NFATC2: variants seen among roughly 807,000 people sequenced by gnomAD.
NFATC2 encodes the protein nuclear factor of activated T cells 2, also known as nuclear factor of activated T-cells, cytoplasmic 2.
A neutral mutation model predicts 87.3 loss-of-function variants in NFATC2; 22 were observed. The ratio of observed to expected loss-of-function variants is 0.25; its 90% CI spans 0.18 to 0.36. NFATC2 has a LOEUF of 0.36. Among genes scored for constraint, NFATC2 ranks in the 10% least tolerant of loss-of-function variants. The pLI is 1.00. For missense variants in NFATC2, 1,149 were observed against 1,259.1 expected, an observed-to-expected ratio of 0.91 and a Z score of 1.32; for synonymous variants, 565 against 542.2, an observed-to-expected ratio of 1.04 and a Z score of -0.58.
At chr20:51,416,236 TGAGA>T (rs949745540) in intron 9 of NFATC2, among the ~76,000 whole-genome samples, 10 of 150,978 alleles carry the variant, frequency 6.6e-5, no homozygotes, top group Admixed American at 5.9e-4. Context: ...CACTCCAGTC[TGAGA>T]GAGAGAGAGT....
intron 1 of NFATC2, among the ~76,000 whole-genome samples, chr20:51,552,754 C>T (rs2076944837): frequency 6.6e-6 from 1 of 152,110 alleles, no homozygotes; most frequent in African/African-American, 2.4e-5. Flanking sequence ...ATCCTGCAGG[C>T]ATATTATGTT....
chr20:51,479,399 C>T (rs1020147940), intron 3 of NFATC2, among the ~76,000 whole-genome samples: 1 of 152,036 alleles, frequency 6.6e-6, no homozygotes, highest in Non-Finnish European at 1.5e-5. Flanking sequence ...GGGTAGATCT[C>T]TCGAGCCCAG....
At chr20:51,521,374 G>A (rs1347800660) in intron 2 of NFATC2, among the ~76,000 whole-genome samples, 1 of 152,046 alleles carries the variant, frequency 6.6e-6, no homozygotes, top group Non-Finnish European at 1.5e-5. Context: ...AGGCTAGAGT[G>A]CAGTGGCATG....
At chr20:51,391,476 G>GC (rs776726177) in intron 10 of NFATC2, 25 bp from the exon 11 acceptor site, 27 of 1,585,372 alleles carry the variant, frequency 1.7e-5, no homozygotes, top group South Asian at 7.7e-5. Flanking sequence ...AGGAGGGGGG[G>GC]GGAGAGAGAA....
intron 6 of NFATC2, among the ~76,000 whole-genome samples, chr20:51,447,430 C>T (rs1568989948): frequency 6.6e-6 from 1 of 152,226 alleles, no homozygotes; most frequent in Non-Finnish European, 1.5e-5. Context: ...GCTAGTTGGC[C>T]AAGCCTGGGG....
chr20:51,422,997 T>C (rs1483788753), intron 9 of NFATC2, among the ~76,000 whole-genome samples: 1 of 151,366 alleles, frequency 6.6e-6, no homozygotes, highest in Non-Finnish European at 1.5e-5. Flanking sequence ...TTTAACATTA[T>C]GATATTCTGG....
At position 51,416,368 on chromosome 20, in the gene NFATC2, G is replaced by A. The variant is rs539587802; in HGVS notation, c.2722+15699C>T. 3.5e-4 allele frequency among the ~76,000 whole-genome samples: 54 copies of A among 152,294 alleles called. 1 individual carries two copies. In the South Asian group the frequency reaches 0.011, roughly 30 times the overall value. On this transcript the variant is annotated intron_variant, in intron 9 of 10. Coordinates refer to ENST00000371564, the MANE Select transcript of NFATC2 (RefSeq NM_012340.5). The stretch of plus-strand genomic sequence containing the variant: ...ACCCTCAGGACTCAGAGGACCTGCC[G>A]GCTCTGCCTGGGTAGGGCACAGCAC...
chr20:51,404,087 T>G (rs1988321513), intron 9 of NFATC2, among the ~76,000 whole-genome samples: 1 of 152,096 alleles, frequency 6.6e-6, no homozygotes, highest in Non-Finnish European at 1.5e-5. Flanking sequence ...TTGTGTCGCT[T>G]GGCTGATGCC....
At chr20:51,427,287 A>G (rs912722004) in intron 9 of NFATC2, among the ~76,000 whole-genome samples, 5 of 152,254 alleles carry the variant, frequency 3.3e-5, no homozygotes, top group African/African-American at 1.2e-4. Context: ...GAGCGCTAGT[A>G]AAAGTCACCT....
intron 1 of NFATC2, among the ~76,000 whole-genome samples, chr20:51,538,403 A>T (rs2076755030): frequency 6.6e-6 from 1 of 152,200 alleles, no homozygotes; most frequent in Non-Finnish European, 1.5e-5. Flanking sequence ...AAAAAGAAAG[A>T]ACTAATACTT....
At chr20:51,431,954 G>A in intron 9 of NFATC2, 113 bp downstream of exon 9, 1 of 1,124,076 alleles carries the variant, frequency 8.9e-7, no homozygotes. Flanking sequence ...TTAAAATGGG[G>A]ACACTGAGGC....
In NFATC2 at chr20:51,540,667, T is replaced by TTTTTTTGTTTGTTTG. The variant is rs1555818370; in HGVS notation, c.130+1702_130+1703insCAAACAAACAAAAAA. On this transcript the variant is annotated intron_variant, in intron 1 of 10. Coordinates refer to ENST00000371564, the MANE Select transcript of NFATC2 (RefSeq NM_012340.5). ...CTGAAGTTTTTTTTTTGTTTTTTTTTTTTTGAGAAAACAGATTCCAGGGCT... is the reference window on the plus strand; with the variant it reads ...CTGAAGTTTTTTTTTTGTTTTTTTTTTTTTTTGTTTGTTTGTTTTGAGAAAACAGATTCCAGGGCT... Among the ~76,000 whole-genome samples the TTTTTTTGTTTGTTTG allele has an allele frequency of 1.9e-4, 28 of 147,332 alleles. 1 individual carries two copies. The East Asian group carries it at 4.6e-3, about 24-fold the overall frequency.
upstream of NFATC2, chr20:51,542,733 T>C (rs2076842577): frequency 6.8e-6 from 3 of 438,004 alleles, no homozygotes; most frequent in South Asian, 1.2e-4. Context: ...GAGGCACCTG[T>C]TGCAGCCCGG....
intron 5 of NFATC2, among the ~76,000 whole-genome samples, chr20:51,465,977 G>A (rs1987641731): frequency 6.6e-6 from 1 of 152,084 alleles, no homozygotes; most frequent in Non-Finnish European, 1.5e-5. Context: ...TCAGCTTCCG[G>A]CAGGAGCAGC....
At chr20:51,434,364 G>T (rs1459893476) in intron 8 of NFATC2, among the ~76,000 whole-genome samples, 1 of 152,208 alleles carries the variant, frequency 6.6e-6, no homozygotes, top group Admixed American at 6.5e-5. Context: ...CGAATTATAG[G>T]TTTCCAATCT....
At chr20:51,502,443 A>C (rs1474873493) in intron 3 of NFATC2, among the ~76,000 whole-genome samples, 2 of 151,760 alleles carry the variant, frequency 1.3e-5, no homozygotes, top group African/African-American at 4.8e-5. Context: ...TTCTACTGTA[A>C]CCTCCCAACT....
intron 1 of NFATC2, among the ~76,000 whole-genome samples, chr20:51,549,459 G>C (rs1439799810): frequency 6.6e-6 from 1 of 152,210 alleles, no homozygotes; most frequent in Non-Finnish European, 1.5e-5. Flanking sequence ...TTTACAACAA[G>C]ACTGGTACAT....
chr20:51,531,534 G>A (rs971319555), intron 1 of NFATC2, among the ~76,000 whole-genome samples: 2 of 152,174 alleles, frequency 1.3e-5, no homozygotes, highest in Non-Finnish European at 2.9e-5. Flanking sequence ...CACCAAGCAA[G>A]AGCTCTACGC....
rs558656143 is a variant in NFATC2, at chr20:51,444,499, G to A, written c.1850-8738C>T. Reference sequence around the variant, plus strand: ...GTAGGGTTGGCCGTGGGTTGGGGCTGGAGTCTTAGCAGTCAGCCTGGAGGA... The same window carrying A: ...GTAGGGTTGGCCGTGGGTTGGGGCTAGAGTCTTAGCAGTCAGCCTGGAGGA... On this transcript the variant is annotated intron_variant, in intron 6 of 10. Coordinates refer to ENST00000371564, the MANE Select transcript of NFATC2 (RefSeq NM_012340.5). 2.0e-5 allele frequency among the ~76,000 whole-genome samples: 3 copies of A among 152,260 alleles called. No individual in the cohort carries two copies. The South Asian group carries it at 6.2e-4, about 32-fold the overall frequency.
Sources: allele counts gnomAD v4.1 joint callset (sites outside exome capture counted in the v4.1 genomes callset), GRCh38; gene constraint gnomAD v4.1.1; transcripts MANE v1.5; gene names NCBI Gene and HGNC (gene_info 2026-07-23, HGNC 2026-07-21).